The following STX7 variants were observed in gnomAD, a reference collection of about 807,000 sequenced individuals.
The protein encoded by STX7 is syntaxin-7.
A neutral mutation model predicts 39.6 loss-of-function variants in STX7; 34 were observed. That is an observed-to-expected ratio of 0.86 (90% confidence interval 0.65 to 1.14). The LOEUF (loss-of-function observed/expected upper bound fraction) is 1.14. Among genes scored for constraint, STX7 ranks in the 50% most tolerant of loss-of-function variants. The probability of loss-of-function intolerance (pLI) is 0.00; values close to 1 mark genes in which losing one functional copy is unlikely to be tolerated. For synonymous variants in STX7, 119 were observed against 99.1 expected (o/e 1.20, Z -1.19); for missense variants, 284 against 310.4 (o/e 0.92, Z 0.64).
rs1487050440 is a variant in STX7, at chr6:132,457,131, G to A, written c.*3627C>T. The A allele has an allele frequency of 6.6e-6, 1 of 152,414 alleles. No homozygotes were observed. Among genetic ancestry groups the A allele is most frequent in the African/African-American group, 2.4e-5 (1 of 41,462 alleles). 9.4% of individuals were successfully genotyped at this position (152,414 alleles called of 1,614,324 possible). Reference sequence around the variant, plus strand: ...CCAGCTCCTGAGATCCACCCACTTTGGGGCCGCAGACACCTTCCTCACCCA... The same window carrying A: ...CCAGCTCCTGAGATCCACCCACTTTAGGGCCGCAGACACCTTCCTCACCCA... On this transcript the variant is annotated 3_prime_UTR_variant, in exon 10 of 10. Transcript: ENST00000367941.
chr6:132,500,297 G>A (rs1257902971), intron 2 of STX7, among the ~76,000 whole-genome samples: 1 of 152,118 alleles, frequency 6.6e-6, no homozygotes, highest in Non-Finnish European at 1.5e-5. Flanking sequence ...CAAGGCCCCA[G>A]CTGACCCGCC....
At chr6:132,482,005 C>T (rs1720207366) in intron 2 of STX7, among the ~76,000 whole-genome samples, 1 of 152,106 alleles carries the variant, frequency 6.6e-6, no homozygotes, top group Non-Finnish European at 1.5e-5. Flanking sequence ...AGGCAAATTT[C>T]TTGAAGGCAA....
intron 1 of STX7, among the ~76,000 whole-genome samples, chr6:132,509,857 TGA>T (rs1315014175): frequency 2.6e-5 from 4 of 152,252 alleles, no homozygotes; most frequent in Non-Finnish European, 4.4e-5. Context: ...AAATGGATGC[TGA>T]GTTATTCAGA....
At chr6:132,492,662 G>A (rs1775323198) in intron 2 of STX7, among the ~76,000 whole-genome samples, 1 of 152,080 alleles carries the variant, frequency 6.6e-6, no homozygotes, top group African/African-American at 2.4e-5. Context: ...CCACTTAACA[G>A]TTGTACAAAC....
intron 2 of STX7, among the ~76,000 whole-genome samples, chr6:132,502,599 G>GTA (rs1270334581): frequency 6.6e-6 from 1 of 150,704 alleles, no homozygotes; most frequent in East Asian, 2.0e-4. Context: ...TCTCTGACAA[G>GTA]TATAGCAAAG....
At chr6:132,505,466 A>G (rs943439086) in intron 1 of STX7, among the ~76,000 whole-genome samples, 5 of 152,150 alleles carry the variant, frequency 3.3e-5, no homozygotes, top group African/African-American at 4.8e-5. Context: ...ATATTCTCCA[A>G]CTTCCCTCTC....
At chr6:132,468,278 A>C (rs1354127650) in intron 8 of STX7, 125 bp downstream of exon 8, 2 of 718,792 alleles carry the variant, frequency 2.8e-6, no homozygotes, top group Non-Finnish European at 5.0e-6. Flanking sequence ...TTTATAGACC[A>C]TGCTTTTGGT....
At chr6:132,484,134 G>A (rs1198062778) in intron 2 of STX7, among the ~76,000 whole-genome samples, 1 of 152,140 alleles carries the variant, frequency 6.6e-6, no homozygotes, top group African/African-American at 2.4e-5. Flanking sequence ...AATTATTTTT[G>A]CATTATCTAC....
intron 2 of STX7, among the ~76,000 whole-genome samples, chr6:132,481,322 A>C (rs889962449): frequency 6.6e-6 from 1 of 152,134 alleles, no homozygotes; most frequent in Non-Finnish European, 1.5e-5. Context: ...CACAGAGCCA[A>C]TCTTTGGAGG....
At chr6:132,509,490 AACAT>A (rs1562343669) in intron 1 of STX7, among the ~76,000 whole-genome samples, 1 of 119,846 alleles carries the variant, frequency 8.3e-6, no homozygotes, top group Non-Finnish European at 1.7e-5. Flanking sequence ...AACATAACAT[AACAT>A]AACATAACAT....
chr6:132,464,974 T>C (rs935529911), intron 8 of STX7, among the ~76,000 whole-genome samples: 1 of 152,184 alleles, frequency 6.6e-6, no homozygotes, highest in Non-Finnish European at 1.5e-5. Flanking sequence ...GCTCATGCTA[T>C]CAAACTCAGC....
At chr6:132,487,976 GAAA>G (rs1183117879) in intron 2 of STX7, among the ~76,000 whole-genome samples, 1 of 152,092 alleles carries the variant, frequency 6.6e-6, no homozygotes, top group Non-Finnish European at 1.5e-5. Context: ...TTCTTAGGGT[GAAA>G]ACTGACGTCA....
chr6:132,492,520 C>A (rs1326895074), intron 2 of STX7, among the ~76,000 whole-genome samples: 1 of 152,202 alleles, frequency 6.6e-6, no homozygotes, highest in African/African-American at 2.4e-5. Context: ...TAGCACATCA[C>A]AGGTGTTTAA....
intron 2 of STX7, among the ~76,000 whole-genome samples, chr6:132,493,760 G>A (rs554146475): frequency 1.3e-5 from 2 of 152,308 alleles, no homozygotes; most frequent in Admixed American, 6.5e-5. Context: ...TCAAAGAGAT[G>A]AGGACCATAA....
intron 2 of STX7, among the ~76,000 whole-genome samples, chr6:132,477,676 G>C (rs972931673): frequency 6.6e-6 from 1 of 151,900 alleles, no homozygotes; most frequent in African/African-American, 2.4e-5. Flanking sequence ...ATCCACAGAG[G>C]AAAATATTGA....
At position 132,509,507 on chromosome 6, in the gene STX7, C is replaced by CATAAAATAAA. The variant is rs1223780024; in HGVS notation, c.-59+3499_-59+3500insTTTATTTTAT. Among the ~76,000 whole-genome samples, 56 of 137,732 alleles carry CATAAAATAAA rather than the reference C, an allele frequency of 4.1e-4. 7 individuals carry two copies. Among genetic ancestry groups the CATAAAATAAA allele is most frequent in the African/African-American group, 1.5e-3 (53 of 35,390 alleles). 90.4% of individuals were successfully genotyped at this position (137,732 alleles called of 152,430 possible). A position where few individuals can be genotyped will look rare whatever the true frequency, so the allele number is the denominator to read the frequency against. On this transcript the variant is annotated intron_variant, in intron 1 of 9. Transcript: ENST00000367941. ...CATAACATAACATAACATAACATAACATAACATAAAATAAAAAAAGACAAA... is the reference window on the plus strand; with the variant it reads ...CATAACATAACATAACATAACATAACATAAAATAAAATAACATAAAATAAAAAAAGACAAA...
At chr6:132,468,266 G>A (rs1232938312) in intron 8 of STX7, 137 bp downstream of exon 8, 12 of 689,104 alleles carry the variant, frequency 1.7e-5, no homozygotes, top group Non-Finnish European at 3.1e-5. Flanking sequence ...TGCTTACTGT[G>A]TTTTATAGAC....
Position 132,460,704 on chromosome 6 carries a change from A to G in STX7, c.*54T>C. ...ATAATTAAAAAAACATGATTACAGGAATCTTCCTACATAATTTAGACAATG... is the reference window on the plus strand; with the variant it reads ...ATAATTAAAAAAACATGATTACAGGGATCTTCCTACATAATTTAGACAATG... On this transcript the variant is annotated 3_prime_UTR_variant, in exon 10 of 10. Transcript: ENST00000367941. The G allele has an allele frequency of 7.8e-7, 1 of 1,279,992 alleles. No homozygotes were observed. Among genetic ancestry groups the G allele is most frequent in the East Asian group, 2.3e-5 (1 of 42,622 alleles). 79.3% of individuals were successfully genotyped at this position (1,279,992 alleles called of 1,614,324 possible).
chr6:132,470,233 A>G (rs904623593), intron 6 of STX7, among the ~76,000 whole-genome samples, 186 bp from the exon 7 acceptor site: 6 of 152,158 alleles, frequency 3.9e-5, no homozygotes, highest in African/African-American at 7.2e-5. Context: ...CATTTCACTT[A>G]TATCATTTTA....
Sources: gnomAD v4.1 joint callset for allele counts (sites outside exome capture counted in the v4.1 genomes callset) on GRCh38, gnomAD v4.1.1 for gene constraint, MANE v1.5 for transcripts, NCBI Gene and HGNC (gene_info 2026-07-23, HGNC 2026-07-21) for gene names.